Variants in CSMD1 observed in about 807,000 individuals in gnomAD.
CSMD1 encodes CUB and Sushi multiple domains 1.
CSMD1 carries 213 observed loss-of-function variants against 417.5 expected under a neutral mutation model. The ratio of observed to expected loss-of-function variants is 0.51; its 90% CI spans 0.46 to 0.57. CSMD1 has a LOEUF of 0.57. CSMD1 is among the 20% of genes least tolerant of loss of function. The pLI is 0.00. For synonymous variants in CSMD1, 2,862 were observed against 1,736.8 expected, an observed-to-expected ratio of 1.65 and a Z score of -16.11; for missense variants, 6,923 against 4,529.7, an observed-to-expected ratio of 1.53 and a Z score of -15.17.
At chr8:3,437,922 G>A (rs951688224) in intron 12 of CSMD1, among the ~76,000 whole-genome samples, 1 of 151,912 alleles carries the variant, frequency 6.6e-6, no homozygotes. Flanking sequence ...TAATTCTTTA[G>A]TAGAGACAGG....
At chr8:4,027,302 G>A (rs1460177494) in intron 4 of CSMD1, among the ~76,000 whole-genome samples, 2 of 152,166 alleles carry the variant, frequency 1.3e-5, no homozygotes, top group Non-Finnish European at 2.9e-5. Flanking sequence ...TGAGTCAGGA[G>A]TAGAAAGTAG....
chr8:4,872,266 A>C (rs992175080), intron 1 of CSMD1, among the ~76,000 whole-genome samples: 9 of 152,182 alleles, frequency 5.9e-5, no homozygotes, highest in Middle Eastern at 6.8e-3. Context: ...GTGTTTTTGC[A>C]ATACTGCCTG....
intron 21 of CSMD1, among the ~76,000 whole-genome samples, chr8:3,352,167 C>T (rs922542796): frequency 1.3e-5 from 2 of 152,078 alleles, no homozygotes; most frequent in African/African-American, 4.8e-5. Flanking sequence ...GGAAGGAATG[C>T]CAGGACCTGG....
At chr8:3,684,987 G>T (rs924665155) in intron 7 of CSMD1, among the ~76,000 whole-genome samples, 1 of 152,100 alleles carries the variant, frequency 6.6e-6, no homozygotes, top group Non-Finnish European at 1.5e-5. Flanking sequence ...GTCAATACGG[G>T]AATCAATATT....
chr8:4,325,904 T>C (rs944357330), intron 3 of CSMD1, among the ~76,000 whole-genome samples: 3 of 152,162 alleles, frequency 2.0e-5, no homozygotes, highest in East Asian at 1.9e-4. Context: ...CAGAATATAA[T>C]AGAGCAGATT....
intron 36 of CSMD1, among the ~76,000 whole-genome samples, chr8:3,182,818 C>G (rs1242471006): frequency 3.8e-5 from 3 of 79,356 alleles, no homozygotes; most frequent in East Asian, 4.5e-4. Flanking sequence ...TCTCGGGGGA[C>G]TCTGGCTGTC....
chr8:3,664,240 G>A (rs143796175), intron 7 of CSMD1, among the ~76,000 whole-genome samples: 1 of 152,196 alleles, frequency 6.6e-6, no homozygotes, highest in African/African-American at 2.4e-5. Context: ...GTGTTCAAGT[G>A]TTCTCATTGT....
intron 6 of CSMD1, among the ~76,000 whole-genome samples, chr8:3,722,934 T>C (rs1802272286): frequency 6.6e-6 from 1 of 152,186 alleles, no homozygotes; most frequent in African/African-American, 2.4e-5. Context: ...CCAGTTTTTC[T>C]TGCCACATAA....
At chr8:4,461,632 C>G (rs1334996157) in intron 2 of CSMD1, among the ~76,000 whole-genome samples, 1 of 151,728 alleles carries the variant, frequency 6.6e-6, no homozygotes, top group Non-Finnish European at 1.5e-5. Context: ...CCCACTGCAT[C>G]GTGTACCTCC....
Position 3,481,232 on chromosome 8 carries a change from T to C in CSMD1, c.1448+12391A>G, listed in dbSNP as rs878996706. ...ATGGTTGGCTCAAGAACATTCTTCTTGAAAAGAAATGAAGGAGAAAAGAAA... is the reference window on the plus strand; with the variant it reads ...ATGGTTGGCTCAAGAACATTCTTCTCGAAAAGAAATGAAGGAGAAAAGAAA... On this transcript the variant is annotated intron_variant, in intron 11 of 69. Coordinates refer to ENST00000635120, the MANE Select transcript of CSMD1 (RefSeq NM_033225.6). Among the ~76,000 whole-genome samples, 9 of 150,818 alleles carry C rather than the reference T, an allele frequency of 6.0e-5. No homozygotes were observed. The East Asian group carries it at 1.6e-3, about 26-fold the overall frequency.
chr8:4,573,243 C>A (rs1798972054), intron 2 of CSMD1, among the ~76,000 whole-genome samples: 1 of 152,178 alleles, frequency 6.6e-6, no homozygotes, highest in Admixed American at 6.5e-5. Context: ...GGTTTTTCCT[C>A]ATCTTTGTGG....
intron 6 of CSMD1, among the ~76,000 whole-genome samples, chr8:3,711,198 T>C (rs890807238): frequency 1.3e-5 from 2 of 152,192 alleles, no homozygotes; most frequent in Admixed American, 1.3e-4. Flanking sequence ...TGAGGAGCTT[T>C]TCCCAACAGT....
At chr8:4,413,065 A>G (rs1328322275) in intron 3 of CSMD1, among the ~76,000 whole-genome samples, 9 of 152,240 alleles carry the variant, frequency 5.9e-5, no homozygotes, top group African/African-American at 2.2e-4. Context: ...AATTACGCAT[A>G]TAATTTCACA....
chr8:4,292,046 G>C lies in CSMD1; in HGVS notation c.415+127907C>G, dbSNP rs183094685. Among the ~76,000 whole-genome samples the C allele has an allele frequency of 7.2e-5, 11 of 152,180 alleles. 1 individual carries two copies. In the South Asian group the frequency reaches 1.2e-3, roughly 17 times the overall value. On this transcript the variant is annotated intron_variant, in intron 3 of 69. Coordinates refer to ENST00000635120, the MANE Select transcript of CSMD1 (RefSeq NM_033225.6). ...ATTACCTAGTTACTTTAATAATGGA[G>C]GTTTGGACACTTGATCATTCAATGA...
Position 3,140,987 on chromosome 8 carries a change from G to C in CSMD1, c.6241+1478C>G, listed in dbSNP as rs904627756. ...AACAATGCAGGTACCCATTATCTGTGCTAAGGCAAGGCATACATACCTGAG... is the reference window on the plus strand; with the variant it reads ...AACAATGCAGGTACCCATTATCTGTCCTAAGGCAAGGCATACATACCTGAG... On this transcript the variant is annotated intron_variant, in intron 41 of 69. Transcript: ENST00000635120. 1.1e-4 allele frequency among the ~76,000 whole-genome samples: 16 copies of C among 152,302 alleles called. No individual in the cohort carries two copies. The East Asian group carries it at 3.1e-3, about 29-fold the overall frequency.
chr8:3,223,755 G>T lies in CSMD1; in HGVS notation c.4458C>A (p.Asp1486Glu), dbSNP rs1210177134. The stretch of plus-strand genomic sequence containing the variant: ...TTTTGAATATCAAGGCGATGACAAA[G>T]TCCGGGTTCACTTTTACTCTCCAGT... ...ECDWRVKVNP[D>E]FVIALIFKSF... Residue 1486 changes from aspartate to glutamate, a missense_variant, in exon 28 of 70, where the codon GAC becomes GAA. Asp to Glu is a conservative substitution (Grantham distance 45, BLOSUM62 2). Coordinates refer to ENST00000635120, the MANE Select transcript of CSMD1 (RefSeq NM_033225.6). 6.2e-7 allele frequency: 1 copy of T among 1,613,906 alleles called. No individual in the cohort carries two copies. Among genetic ancestry groups the T allele is most frequent in the Non-Finnish European group, 8.5e-7 (1 of 1,179,820 alleles).
chr8:4,670,757 T>C (rs1805245215), intron 1 of CSMD1, among the ~76,000 whole-genome samples: 1 of 152,136 alleles, frequency 6.6e-6, no homozygotes, highest in Admixed American at 6.5e-5. Flanking sequence ...GAAATACAAG[T>C]ACACAAAAAT....
intron 4 of CSMD1, among the ~76,000 whole-genome samples, chr8:4,030,255 C>G (rs1019341029): frequency 6.6e-6 from 1 of 152,184 alleles, no homozygotes; most frequent in Non-Finnish European, 1.5e-5. Flanking sequence ...CCACATTTCC[C>G]TCCTGCACTG....
intron 3 of CSMD1, among the ~76,000 whole-genome samples, chr8:4,115,228 G>A (rs1802071261): frequency 6.6e-6 from 1 of 152,190 alleles, no homozygotes; most frequent in South Asian, 2.1e-4. Context: ...CACCAACATT[G>A]AGGCAAGAGC....
Sources: allele counts gnomAD v4.1 joint callset (sites outside exome capture counted in the v4.1 genomes callset), GRCh38; gene constraint gnomAD v4.1.1; transcripts MANE v1.5; gene names NCBI Gene and HGNC (gene_info 2026-07-23, HGNC 2026-07-21).